The following PPP1R1C variants were observed in gnomAD, a reference collection of about 807,000 sequenced individuals.
PPP1R1C encodes protein phosphatase 1 regulatory inhibitor subunit 1C, also known as protein phosphatase 1 regulatory subunit 1C.
PPP1R1C carries 15 observed loss-of-function variants against 17.4 expected under a neutral mutation model. That is an observed-to-expected ratio of 0.86 (90% confidence interval 0.58 to 1.33). The LOEUF (loss-of-function observed/expected upper bound fraction) is 1.33. Among genes scored for constraint, PPP1R1C ranks in the 40% most tolerant of loss-of-function variants. The pLI, the probability that PPP1R1C is intolerant of heterozygous loss-of-function variation, is 0.00. For missense variants in PPP1R1C, 143 were observed against 130.0 expected (o/e 1.10, Z -0.48); for synonymous variants, 35 against 43.1 (o/e 0.81, Z 0.73).
At chr2:182,022,123 C>G (rs1686446671) in intron 2 of PPP1R1C, among the ~76,000 whole-genome samples, 1 of 152,166 alleles carries the variant, frequency 6.6e-6, no homozygotes, top group African/African-American at 2.4e-5. Context: ...GTTTACTTAA[C>G]TTGTGCTATT....
At chr2:181,973,460 ATAGATGT>A (rs1036967335) in intron 1 of PPP1R1C, among the ~76,000 whole-genome samples, 1 of 152,220 alleles carries the variant, frequency 6.6e-6, no homozygotes, top group African/African-American at 2.4e-5. Context: ...TTTTGTTTAA[ATAGATGT>A]TAGAACTCAG....
chr2:182,003,716 G>A (rs1021409733), intron 2 of PPP1R1C, among the ~76,000 whole-genome samples: 9 of 151,800 alleles, frequency 5.9e-5, no homozygotes, highest in South Asian at 2.1e-4. Context: ...TGTAGTGTGT[G>A]TGTATGTAAA....
intron 2 of PPP1R1C, among the ~76,000 whole-genome samples, chr2:182,019,204 T>A (rs1262965192): frequency 6.6e-6 from 1 of 152,192 alleles, no homozygotes; most frequent in Non-Finnish European, 1.5e-5. Flanking sequence ...GTTATCTAAG[T>A]CTTGTCAATC....
At chr2:182,039,931 T>G (rs1687131156) in intron 2 of PPP1R1C, among the ~76,000 whole-genome samples, 1 of 152,204 alleles carries the variant, frequency 6.6e-6, no homozygotes. Context: ...CTGAATTACT[T>G]CATTCAGAAT....
Position 182,117,353 on chromosome 2 carries a change from G to C in PPP1R1C, c.*58G>C. 1.6e-6 allele frequency: 2 copies of C among 1,254,016 alleles called. No individual in the cohort carries two copies. The highest frequency in any genetic ancestry group is 2.7e-5 in the South Asian group (2 of 74,040). The allele number at this position is 1,254,016 out of a possible 1,614,324, so 77.7% of individuals were successfully genotyped here. On this transcript the variant is annotated 3_prime_UTR_variant, in exon 5 of 5. Transcript: ENST00000682840. ...ATAACTGAACTATTAACTTTTCTGA[G>C]TATACCATGGAATTCCACTGCTTGA...
intron 2 of PPP1R1C, chr2:182,048,952 AAT>A (rs1687425180): frequency 6.6e-6 from 1 of 152,208 alleles, no homozygotes; most frequent in South Asian, 2.1e-4. Context: ...GAAATGTGAT[AAT>A]TGAGATTTCA....
intron 4 of PPP1R1C, among the ~76,000 whole-genome samples, chr2:182,081,799 A>G (rs116689880): frequency 5.4e-4 from 83 of 152,302 alleles, no homozygotes; most frequent in African/African-American, 1.9e-3. Context: ...TACACCTCAT[A>G]TCCTGCCTGC....
At chr2:181,964,996 G>A (rs900493875) in intron 1 of PPP1R1C, among the ~76,000 whole-genome samples, 24 of 152,294 alleles carry the variant, frequency 1.6e-4, no homozygotes, top group Middle Eastern at 3.4e-3. Context: ...GTGAGCCATC[G>A]CACTCGGCCC....
At chr2:182,093,174 T>C (rs1321282840) in intron 4 of PPP1R1C, among the ~76,000 whole-genome samples, 1 of 152,170 alleles carries the variant, frequency 6.6e-6, no homozygotes, top group African/African-American at 2.4e-5. Flanking sequence ...TTCTGTACAC[T>C]ATCAGGCTCA....
At position 182,093,619 on chromosome 2, in the gene PPP1R1C, T is replaced by C. The variant is rs1275403799; in HGVS notation, c.242-23588T>C. ...CTTTAACAGCACCCTAGTCACCTCT[T>C]AATGCTTTGCTGCTTAGAAATTTCT... On this transcript the variant is annotated intron_variant, in intron 4 of 4. Coordinates refer to ENST00000682840, the MANE Select transcript of PPP1R1C (RefSeq NM_001080545.3). Among the ~76,000 whole-genome samples the C allele has an allele frequency of 2.0e-5, 3 of 152,330 alleles. No individual in the cohort carries two copies. The South Asian group carries it at 6.2e-4, about 32-fold the overall frequency.
chr2:181,974,344 A>G (rs1415495752), intron 1 of PPP1R1C, among the ~76,000 whole-genome samples: 2 of 152,222 alleles, frequency 1.3e-5, no homozygotes, highest in African/African-American at 4.8e-5. Context: ...TGGATTCCAT[A>G]GAGTATATTT....
intron 4 of PPP1R1C, among the ~76,000 whole-genome samples, chr2:182,106,850 CA>C (rs1396219644): frequency 6.6e-6 from 1 of 152,126 alleles, no homozygotes; most frequent in Non-Finnish European, 1.5e-5. Flanking sequence ...GTTGGAGCCC[CA>C]CGACTTGCCA....
intron 2 of PPP1R1C, among the ~76,000 whole-genome samples, chr2:181,989,367 A>G (rs1189252378): frequency 6.6e-6 from 1 of 152,220 alleles, no homozygotes; most frequent in Non-Finnish European, 1.5e-5. Context: ...GAAAGTGTGT[A>G]TCAGAGAGGT....
At chr2:182,126,919 T>C (rs1016631714) in intron 5 of PPP1R1C, among the ~76,000 whole-genome samples, 2 of 152,058 alleles carry the variant, frequency 1.3e-5, no homozygotes, top group Non-Finnish European at 2.9e-5. Context: ...TAAATTAAAA[T>C]GATATTGGAT....
chr2:181,987,756 G>T, intron 1 of PPP1R1C, 83 bp from the exon 2 acceptor site: 1 of 1,401,960 alleles, frequency 7.1e-7, no homozygotes, highest in Non-Finnish European at 1.0e-6. Context: ...AAAGATGAGG[G>T]TGAGACAGCT....
chr2:182,013,126 G>A (rs1424135957), intron 2 of PPP1R1C, among the ~76,000 whole-genome samples: 1 of 151,928 alleles, frequency 6.6e-6, no homozygotes, highest in Non-Finnish European at 1.5e-5. Flanking sequence ...AGTAAGTTTT[G>A]TACCTTCAGA....
chr2:181,997,639 T>C (rs1329623927), intron 2 of PPP1R1C, among the ~76,000 whole-genome samples: 2 of 152,232 alleles, frequency 1.3e-5, no homozygotes, highest in Non-Finnish European at 2.9e-5. Flanking sequence ...TTTTAAAGAA[T>C]AAATTGCATG....
At chr2:182,057,976 G>T (rs1458711414) in intron 2 of PPP1R1C, among the ~76,000 whole-genome samples, 1 of 151,902 alleles carries the variant, frequency 6.6e-6, no homozygotes, top group Non-Finnish European at 1.5e-5. Context: ...ATTGAACGAA[G>T]GGCACATTGA....
intron 2 of PPP1R1C, among the ~76,000 whole-genome samples, chr2:182,053,866 C>T (rs1157246011): frequency 2.0e-5 from 3 of 151,926 alleles, no homozygotes; most frequent in East Asian, 3.9e-4. Context: ...CCACAACCTC[C>T]GCCTCCCAGG....
Sources: gnomAD v4.1 joint callset for allele counts (sites outside exome capture counted in the v4.1 genomes callset) on GRCh38, gnomAD v4.1.1 for gene constraint, MANE v1.5 for transcripts, NCBI Gene and HGNC (gene_info 2026-07-23, HGNC 2026-07-21) for gene names.